Variants in DUSP22 observed in about 807,000 individuals in gnomAD.
DUSP22 encodes the protein dual specificity protein phosphatase 22.
A neutral mutation model predicts 24.5 loss-of-function variants in DUSP22; 24 were observed. The observed-to-expected ratio is 0.98, with a 90% CI of 0.71 to 1.38. The LOEUF is 1.38. Among genes scored for constraint, DUSP22 ranks in the 40% most tolerant of loss-of-function variants. DUSP22 has a pLI of 0.00. For missense variants in DUSP22, 330 were observed against 269.2 expected (o/e 1.23, Z -1.58); for synonymous variants, 160 against 106.4 (o/e 1.50, Z -3.10).
At chr6:304,167 G>C (rs374453525) in intron 1 of DUSP22, among the ~76,000 whole-genome samples, 32 of 152,420 alleles carry the variant, frequency 2.1e-4, no homozygotes, top group African/African-American at 7.2e-4. Flanking sequence ...AGGGGACATA[G>C]AGGGCTACTG....
chr6:323,110 A>G lies in DUSP22; in HGVS notation c.138+11148A>G, dbSNP rs916629505. Among the ~76,000 whole-genome samples the G allele has an allele frequency of 5.2e-5, 8 of 152,418 alleles. No homozygotes were observed. In the East Asian group the frequency reaches 1.3e-3, roughly 26 times the overall value. ...TCCAATCTTATTTTAAAACTCTGAG[A>G]GTGAAGCAATAGCACCTAGCTAGTT... On this transcript the variant is annotated intron_variant, in intron 3 of 6. Transcript: ENST00000419235.
At chr6:345,435 C>T (rs1581193274) in intron 4 of DUSP22, among the ~76,000 whole-genome samples, 1 of 152,294 alleles carries the variant, frequency 6.6e-6, no homozygotes, top group Non-Finnish European at 1.5e-5. Flanking sequence ...GTCTCGAGCT[C>T]CTGACCTCAA....
chr6:322,284 A>G (rs2797325), intron 3 of DUSP22, among the ~76,000 whole-genome samples: 151,846 of 152,426 alleles, frequency 1, 75,633 homozygotes, highest in Middle Eastern at 1. Flanking sequence ...GGTGTTATGC[A>G]ATGGAATTCA....
intron 1 of DUSP22, among the ~76,000 whole-genome samples, chr6:303,971 T>C (rs549394792): frequency 1.3e-5 from 2 of 152,416 alleles, no homozygotes; most frequent in East Asian, 3.9e-4. Flanking sequence ...CAAAGACGTG[T>C]TCTTCTTAAC....
intron 6 of DUSP22, 74 bp downstream of exon 6, chr6:348,348 A>C: frequency 6.3e-7 from 1 of 1,591,410 alleles, no homozygotes; most frequent in African/African-American, 1.3e-5. Context: ...TTCCGTACAC[A>C]GCCAGCATCA....
chr6:350,163 G>A lies in DUSP22; in HGVS notation c.*1212G>A, dbSNP rs574311980. 151 of 986,128 alleles carry A rather than the reference G, an allele frequency of 1.5e-4. No individual in the cohort carries two copies. The highest frequency in any genetic ancestry group is 1.3e-3 in the African/African-American group (73 of 57,376). 61.1% of individuals were successfully genotyped at this position (986,128 alleles called of 1,614,324 possible). A position where few individuals can be genotyped will look rare whatever the true frequency, so the allele number is the denominator to read the frequency against. ...CTTTGCCTCACAGTTGAAAATGTTC[G>A]GTCATGATTGCTTTTGAAACCAAAG... On this transcript the variant is annotated 3_prime_UTR_variant, in exon 7 of 7. Coordinates refer to ENST00000419235, the MANE Select transcript of DUSP22 (RefSeq NM_001286555.3).
chr6:322,743 C>G (rs1206622700), intron 3 of DUSP22, among the ~76,000 whole-genome samples: 2 of 150,986 alleles, frequency 1.3e-5, no homozygotes, highest in Admixed American at 6.6e-5. Flanking sequence ...GGCTGGCTGA[C>G]TAGCAGAAAG....
At chr6:341,712 C>T (rs551986096) in intron 4 of DUSP22, among the ~76,000 whole-genome samples, 2 of 152,428 alleles carry the variant, frequency 1.3e-5, no homozygotes, top group Admixed American at 6.5e-5. Flanking sequence ...AGCCCAGGCC[C>T]CCAACATGGT....
At position 350,632 on chromosome 6, in the gene DUSP22, A is replaced by G. The variant is rs970969603; in HGVS notation, c.*1681A>G. 5.4e-6 allele frequency: 8 copies of G among 1,472,790 alleles called. No individual in the cohort carries two copies. In the African/African-American group the frequency reaches 9.9e-5, roughly 18 times the overall value. 91.2% of individuals were successfully genotyped at this position (1,472,790 alleles called of 1,614,324 possible). A position where few individuals can be genotyped will look rare whatever the true frequency, so the allele number is the denominator to read the frequency against. Reference sequence around the variant, plus strand: ...TGGCTGTAGAATCATCCATCCGTCTACAGCTAAAACAATTTGCCAATAAAG... The same window carrying G: ...TGGCTGTAGAATCATCCATCCGTCTGCAGCTAAAACAATTTGCCAATAAAG... On this transcript the variant is annotated 3_prime_UTR_variant, in exon 7 of 7. Transcript: ENST00000419235.
chr6:302,481 G>A (rs1274444605), intron 1 of DUSP22, among the ~76,000 whole-genome samples: 1 of 152,306 alleles, frequency 6.6e-6, no homozygotes, highest in Non-Finnish European at 1.5e-5. Flanking sequence ...TTGGGCTGCA[G>A]GTCCTGAGTG....
At chr6:319,758 C>G (rs1758508881) in intron 3 of DUSP22, among the ~76,000 whole-genome samples, 1 of 152,298 alleles carries the variant, frequency 6.6e-6, no homozygotes, top group Non-Finnish European at 1.5e-5. Flanking sequence ...ACAGTTGTTT[C>G]CAGCACACCT....
At chr6:341,903 C>T (rs1343578885) in intron 4 of DUSP22, among the ~76,000 whole-genome samples, 1 of 152,312 alleles carries the variant, frequency 6.6e-6, no homozygotes, top group Non-Finnish European at 1.5e-5. Flanking sequence ...GCTGAGCACA[C>T]TCCCCTCTTG....
At chr6:331,022 A>C (rs1759118682) in intron 3 of DUSP22, among the ~76,000 whole-genome samples, 1 of 152,304 alleles carries the variant, frequency 6.6e-6, no homozygotes, top group Non-Finnish European at 1.5e-5. Flanking sequence ...TCGTCATGTT[A>C]CGCCACTTAA....
intron 1 of DUSP22, among the ~76,000 whole-genome samples, chr6:298,628 G>A (rs1230112367): frequency 1.3e-5 from 2 of 152,306 alleles, no homozygotes; most frequent in Non-Finnish European, 2.9e-5. Flanking sequence ...GAACCATCAA[G>A]CGTGGAGAAT....
chr6:293,688 C>T (rs933854262), intron 1 of DUSP22, among the ~76,000 whole-genome samples: 9 of 152,232 alleles, frequency 5.9e-5, no homozygotes, highest in East Asian at 3.8e-4. Flanking sequence ...TTTTCACGTG[C>T]GCATGTCGTG....
chr6:329,045 C>A (rs1467705762), intron 3 of DUSP22, among the ~76,000 whole-genome samples: 1 of 152,422 alleles, frequency 6.6e-6, no homozygotes, highest in South Asian at 2.1e-4. Flanking sequence ...TGCCACGCAC[C>A]GAGCTGGGCT....
rs2797334 is a variant in DUSP22 at position 350,883 on chromosome 6, C to T, written c.*1932C>T. On this transcript the variant is annotated 3_prime_UTR_variant, in exon 7 of 7. Transcript: ENST00000419235. Reference sequence around the variant, plus strand: ...GAAGACTGTAATGTACCTGAAGTTTCTGAAATATTGCAAACCCACAGAGTT... The same window carrying T: ...GAAGACTGTAATGTACCTGAAGTTTTTGAAATATTGCAAACCCACAGAGTT... 33 of 1,614,048 alleles carry T rather than the reference C, an allele frequency of 2.0e-5. No homozygotes were observed. The highest frequency in any genetic ancestry group is 2.8e-5 in the Non-Finnish European group (33 of 1,179,954).
intron 4 of DUSP22, among the ~76,000 whole-genome samples, chr6:335,652 TTGA>T (rs1480981335): frequency 1.3e-5 from 2 of 152,302 alleles, no homozygotes; most frequent in African/African-American, 4.8e-5. Flanking sequence ...AAATATTATT[TTGA>T]TATGTACTCA....
chr6:326,988 G>C (rs1016216207), intron 3 of DUSP22, among the ~76,000 whole-genome samples: 126 of 152,394 alleles, frequency 8.3e-4, no homozygotes, highest in Middle Eastern at 3.4e-3. Flanking sequence ...CAAGGCCCAG[G>C]GAATATTTGG....
Sources: allele counts gnomAD v4.1 joint callset (sites outside exome capture counted in the v4.1 genomes callset), GRCh38; gene constraint gnomAD v4.1.1; transcripts MANE v1.5; gene names NCBI Gene and HGNC (gene_info 2026-07-23, HGNC 2026-07-21).